The following CNTN5 variants were observed in gnomAD, a reference collection of about 807,000 sequenced individuals.
CNTN5 encodes the protein contactin-5.
CNTN5 carries 77 observed loss-of-function variants against 129.1 expected under a neutral mutation model. The ratio of observed to expected loss-of-function variants is 0.60; its 90% CI spans 0.50 to 0.72. The LOEUF is 0.72. Ranked by LOEUF, CNTN5 falls within the 30% of genes least tolerant of loss-of-function variation. The pLI is 0.00. For missense variants in CNTN5, 1,478 were observed against 1,328.8 expected, an observed-to-expected ratio of 1.11 and a Z score of -1.75; for synonymous variants, 509 against 465.6, an observed-to-expected ratio of 1.09 and a Z score of -1.20.
intron 13 of CNTN5, among the ~76,000 whole-genome samples, chr11:100,076,918 A>G (rs763334931): frequency 2.0e-5 from 3 of 152,242 alleles, no homozygotes; most frequent in Admixed American, 1.3e-4. Flanking sequence ...GTTCACTACA[A>G]AAAATAATAA....
At chr11:99,883,012 C>G (rs1948811652) in intron 6 of CNTN5, among the ~76,000 whole-genome samples, 2 of 152,140 alleles carry the variant, frequency 1.3e-5, no homozygotes, top group South Asian at 4.1e-4. Flanking sequence ...ACATAACAAC[C>G]TCTAGTTCCA....
intron 1 of CNTN5, among the ~76,000 whole-genome samples, chr11:99,146,453 C>A (rs1211958044): frequency 6.6e-6 from 1 of 151,894 alleles, no homozygotes; most frequent in Admixed American, 6.6e-5. Flanking sequence ...ACCTACCTTG[C>A]AATAAACAAA....
At chr11:99,351,301 G>A (rs772688509) in intron 2 of CNTN5, among the ~76,000 whole-genome samples, 5 of 152,192 alleles carry the variant, frequency 3.3e-5, no homozygotes, top group Non-Finnish European at 7.3e-5. Context: ...CCAATACCGT[G>A]AGGTGAGAAT....
At chr11:99,825,559 G>T (rs1946927234) in intron 4 of CNTN5, among the ~76,000 whole-genome samples, 1 of 151,904 alleles carries the variant, frequency 6.6e-6, no homozygotes, top group African/African-American at 2.4e-5. Flanking sequence ...TTTGGATGAA[G>T]CATATTTTGT....
intron 7 of CNTN5, among the ~76,000 whole-genome samples, chr11:99,947,269 A>C (rs1200708937): frequency 6.6e-6 from 1 of 151,750 alleles, no homozygotes; most frequent in Non-Finnish European, 1.5e-5. Context: ...TGTTATGTGC[A>C]TATGAATTAA....
At chr11:99,153,931 A>T (rs1190186809) in intron 1 of CNTN5, among the ~76,000 whole-genome samples, 1 of 146,618 alleles carries the variant, frequency 6.8e-6, no homozygotes, top group East Asian at 2.0e-4. Flanking sequence ...TTAGCTCAGT[A>T]CTCCTGGGCT....
At chr11:100,082,225 A>T (rs748598118) in intron 13 of CNTN5, among the ~76,000 whole-genome samples, 1 of 152,338 alleles carries the variant, frequency 6.6e-6, no homozygotes, top group Non-Finnish European at 1.5e-5. Flanking sequence ...AAATATAGTC[A>T]TAGTCCATAT....
At chr11:99,062,208 T>TTGATAGATTC (rs1864912514) in intron 1 of CNTN5, among the ~76,000 whole-genome samples, 1 of 152,088 alleles carries the variant, frequency 6.6e-6, no homozygotes. Context: ...TCAGCAGACC[T>TTGATAGATTC]AACTAAATCT....
At chr11:100,179,004 T>C (rs1948055217) in intron 13 of CNTN5, among the ~76,000 whole-genome samples, 1 of 152,144 alleles carries the variant, frequency 6.6e-6, no homozygotes, top group Non-Finnish European at 1.5e-5. Context: ...TGACCTGTTT[T>C]GATACAGGAA....
intron 13 of CNTN5, among the ~76,000 whole-genome samples, chr11:100,077,686 TTAAA>T (rs1353118635): frequency 1.3e-5 from 2 of 151,562 alleles, no homozygotes; most frequent in Non-Finnish European, 2.9e-5. Flanking sequence ...AAAAAACAAC[TTAAA>T]TAAATAGTCA....
At chr11:99,389,973 C>T (rs1405661696) in intron 2 of CNTN5, among the ~76,000 whole-genome samples, 3 of 152,092 alleles carry the variant, frequency 2.0e-5, no homozygotes, top group South Asian at 2.1e-4. Flanking sequence ...AACTCTTTGT[C>T]CAGTCCTCAA....
intron 1 of CNTN5, among the ~76,000 whole-genome samples, chr11:99,318,252 T>C (rs1195081328): frequency 2.6e-5 from 4 of 152,160 alleles, no homozygotes; most frequent in Non-Finnish European, 4.4e-5. Flanking sequence ...ATTGTGGCCA[T>C]TTAATTCTGT....
intron 3 of CNTN5, among the ~76,000 whole-genome samples, chr11:99,796,347 G>C (rs1468854769): frequency 1.3e-5 from 2 of 152,072 alleles, no homozygotes; most frequent in Non-Finnish European, 2.9e-5. Context: ...TACATCCATT[G>C]GGGAGGGGAG....
intron 7 of CNTN5, among the ~76,000 whole-genome samples, chr11:99,933,931 T>A (rs564537598): frequency 2.7e-3 from 419 of 152,368 alleles, no homozygotes; most frequent in African/African-American, 9.4e-3. Context: ...TTTCATATTA[T>A]AGGTGCTTAC....
intron 13 of CNTN5, among the ~76,000 whole-genome samples, chr11:100,175,859 A>G (rs530334812): frequency 7.9e-4 from 121 of 152,210 alleles, no homozygotes; most frequent in African/African-American, 2.8e-3. Context: ...ATTAGCAGAA[A>G]CATTTTAAGA....
At chr11:100,230,684 T>G (rs961920109) in intron 16 of CNTN5, among the ~76,000 whole-genome samples, 18 of 152,190 alleles carry the variant, frequency 1.2e-4, no homozygotes, top group Non-Finnish European at 2.1e-4. Context: ...ATCTCTTGTA[T>G]TTTATTCCCC....
chr11:99,214,015 A>T (rs1859977839), intron 1 of CNTN5, among the ~76,000 whole-genome samples: 1 of 152,140 alleles, frequency 6.6e-6, no homozygotes. Flanking sequence ...AGCAATTGCG[A>T]GAATAAAAAA....
chr11:99,520,047 A>T (rs886467317), intron 2 of CNTN5, among the ~76,000 whole-genome samples: 3 of 152,056 alleles, frequency 2.0e-5, no homozygotes, highest in Admixed American at 2.0e-4. Context: ...GAATATTTAA[A>T]TGTTTTTATA....
intron 1 of CNTN5, among the ~76,000 whole-genome samples, chr11:99,107,335 A>T (rs1335185262): frequency 1.3e-5 from 2 of 152,184 alleles, no homozygotes; most frequent in African/African-American, 4.8e-5. Context: ...AATTAAGATT[A>T]AAATCATTTG....
Sources: gnomAD v4.1 joint callset for allele counts (sites outside exome capture counted in the v4.1 genomes callset) on GRCh38, gnomAD v4.1.1 for gene constraint, MANE v1.5 for transcripts, NCBI Gene and HGNC (gene_info 2026-07-23, HGNC 2026-07-21) for gene names.